Variants in IGBP1C observed in about 807,000 individuals in gnomAD.
IGBP1C encodes immunoglobulin-binding protein 1 family member C.
At chr17:58,680,145 G>A in the IGBP1C span, among the ~76,000 whole-genome samples, 2 of 151,926 alleles carry the variant, frequency 1.3e-5, no homozygotes, top group South Asian at 2.1e-4. Flanking sequence ...AGTAGTTATC[G>A]AACTTCTGGC....
At chr17:58,666,423 G>A in the IGBP1C span, 1 of 113,610 alleles carries the variant, frequency 8.8e-6, no homozygotes, top group South Asian at 3.1e-4. Context: ...CTGCACTCCA[G>A]CCTAGATAAA....
At chr17:58,673,267 T>A in the IGBP1C span, among the ~76,000 whole-genome samples, 1 of 150,484 alleles carries the variant, frequency 6.6e-6, no homozygotes, top group African/African-American at 2.4e-5. Flanking sequence ...GATTATAAGG[T>A]CAGGAGTTCA....
the IGBP1C span, among the ~76,000 whole-genome samples, chr17:58,662,738 A>C: frequency 6.6e-6 from 1 of 152,234 alleles, no homozygotes; most frequent in Non-Finnish European, 1.5e-5. Flanking sequence ...GTTGATGCTC[A>C]GAAATATGAG....
At chr17:58,665,330 G>A in the IGBP1C span, among the ~76,000 whole-genome samples, 1 of 151,774 alleles carries the variant, frequency 6.6e-6, no homozygotes, top group Non-Finnish European at 1.5e-5. Flanking sequence ...TTGCCTGGGT[G>A]CAATGACTCA....
the IGBP1C span, among the ~76,000 whole-genome samples, chr17:58,688,743 G>A: frequency 9.9e-5 from 15 of 152,040 alleles, no homozygotes; most frequent in African/African-American, 3.6e-4. Flanking sequence ...TTTGCCCATA[G>A]CAATGTCTCT....
At chr17:58,678,818 T>TATAATAATA in the IGBP1C span, among the ~76,000 whole-genome samples, 37,219 of 136,964 alleles carry the variant, frequency 0.27, 5,286 homozygotes, top group African/African-American at 0.32. Flanking sequence ...GAACTTAAAG[T>TATAATAATA]ATAATAATAA....
At chr17:58,691,742 C>A in the IGBP1C span, among the ~76,000 whole-genome samples, 3 of 151,268 alleles carry the variant, frequency 2.0e-5, no homozygotes, top group African/African-American at 7.3e-5. Context: ...CTCACCTAGG[C>A]AAGGAAGGAA....
the IGBP1C span, among the ~76,000 whole-genome samples, chr17:58,672,251 G>C: frequency 3.9e-5 from 6 of 152,224 alleles, no homozygotes; most frequent in Non-Finnish European, 7.4e-5. Context: ...CCACCAACTG[G>C]TACCATGCTC....
At chr17:58,691,745 G>A in the IGBP1C span, among the ~76,000 whole-genome samples, 1 of 151,066 alleles carries the variant, frequency 6.6e-6, no homozygotes. Flanking sequence ...ACCTAGGCAA[G>A]GAAGGAACTC....
the IGBP1C span, chr17:58,677,762 C>G: frequency 6.6e-6 from 1 of 152,232 alleles, no homozygotes; most frequent in Non-Finnish European, 1.5e-5. Flanking sequence ...TGCCTGACAT[C>G]TCACCCTCAG....
chr17:58,673,810 C>G, the IGBP1C span, among the ~76,000 whole-genome samples: 20 of 152,074 alleles, frequency 1.3e-4, no homozygotes, highest in South Asian at 1.0e-3. Context: ...TTGGCTCAGG[C>G]GATCCTCCCA....
At chr17:58,669,733 CAA>C in the IGBP1C span, among the ~76,000 whole-genome samples, 100 of 56,274 alleles carry the variant, frequency 1.8e-3, no homozygotes, top group Middle Eastern at 0.014. Context: ...GACTCCGTCT[CAA>C]AAAAAAAAAA....
chr17:58,673,672 C>G, the IGBP1C span, among the ~76,000 whole-genome samples: 1 of 152,024 alleles, frequency 6.6e-6, no homozygotes, highest in Non-Finnish European at 1.5e-5. Flanking sequence ...GGTGATCCTC[C>G]CACCTCACCC....
the IGBP1C span, chr17:58,679,515 A>ACAAGCC: frequency 1.3e-5 from 2 of 152,210 alleles, no homozygotes; most frequent in Non-Finnish European, 2.9e-5. Context: ...CCTTTTATAA[A>ACAAGCC]CAAGCCAGAT....
At chr17:58,687,022 C>T in the IGBP1C span, among the ~76,000 whole-genome samples, 1 of 151,864 alleles carries the variant, frequency 6.6e-6, no homozygotes, top group Admixed American at 6.6e-5. Flanking sequence ...TACAGATGCC[C>T]ACCACCACAC....
chr17:58,661,683 C>G, the IGBP1C span: 1 of 605,386 alleles, frequency 1.7e-6, no homozygotes, highest in Non-Finnish European at 2.9e-6. Flanking sequence ...AACAACCAGT[C>G]TGAATCGGGC....
At chr17:58,673,765 G>C in the IGBP1C span, among the ~76,000 whole-genome samples, 2 of 151,710 alleles carry the variant, frequency 1.3e-5, no homozygotes, top group East Asian at 3.9e-4. Context: ...TACAGTTGGG[G>C]TTAAGCCATG....
chr17:58,676,707 C>T, the IGBP1C span, among the ~76,000 whole-genome samples: 1 of 152,110 alleles, frequency 6.6e-6, no homozygotes, highest in Admixed American at 6.6e-5. Context: ...CCTTTAGGGG[C>T]CAGGTATGGT....
the IGBP1C span, among the ~76,000 whole-genome samples, chr17:58,686,268 G>A: frequency 1.3e-5 from 2 of 152,152 alleles, no homozygotes; most frequent in Non-Finnish European, 2.9e-5. Context: ...CTTGAGCCCA[G>A]GAGTTCAAGG....
Sources: allele counts gnomAD v4.1 joint callset (sites outside exome capture counted in the v4.1 genomes callset), GRCh38; gene constraint gnomAD v4.1.1; transcripts MANE v1.5; gene names NCBI Gene and HGNC (gene_info 2026-07-23, HGNC 2026-07-21).